The following NAP1L4 variants were observed in gnomAD, a reference collection of about 807,000 sequenced individuals.
NAP1L4 encodes the protein nucleosome assembly protein 1-like 4.
In NAP1L4, 15 loss-of-function variants were observed where a neutral mutation model predicts 58.2. The observed-to-expected ratio is 0.26, with a 90% CI of 0.17 to 0.40. The LOEUF is 0.40. Ranked by LOEUF, NAP1L4 falls within the 10% of genes least tolerant of loss-of-function variation. The probability of loss-of-function intolerance (pLI) is 1.00; values close to 1 mark genes in which losing one functional copy is unlikely to be tolerated. For missense variants in NAP1L4, 384 were observed against 451.1 expected, an observed-to-expected ratio of 0.85 and a Z score of 1.35; for synonymous variants, 171 against 155.6, an observed-to-expected ratio of 1.10 and a Z score of -0.74.
In NAP1L4 at chr11:2,955,847, G is replaced by T; in HGVS notation, c.893-81C>A. The T allele has an allele frequency of 2.3e-6, 3 of 1,291,402 alleles. No individual in the cohort carries two copies. Among genetic ancestry groups the T allele is most frequent in the Non-Finnish European group, 3.3e-6 (3 of 906,400 alleles). 80.0% of individuals were successfully genotyped at this position (1,291,402 alleles called of 1,614,324 possible). ...TAAAGCCCACACAGGAGGAAGCTGT[G>T]CTGGTAGATAAAATGTAACATTTCT... On this transcript the variant is annotated intron_variant, in intron 10 of 15. Coordinates refer to ENST00000380542, the MANE Select transcript of NAP1L4 (RefSeq NM_005969.4). The surrounding 1 kb of genome is among the most constrained non-coding windows in gnomAD (Gnocchi z 4.2).
intron 3 of NAP1L4, 147 bp downstream of exon 3, chr11:2,978,137 A>G (rs1163856248): frequency 1.8e-5 from 12 of 678,612 alleles, no homozygotes; most frequent in Non-Finnish European, 4.9e-6. Context: ...ATCTTTTGTT[A>G]ATGAGATACT....
intron 3 of NAP1L4, among the ~76,000 whole-genome samples, chr11:2,976,995 T>C (rs1848001291): frequency 6.6e-6 from 1 of 151,956 alleles, no homozygotes; most frequent in South Asian, 2.1e-4. Context: ...CCGAGTATTC[T>C]CCCATGATGT....
chr11:2,979,289 T>C, intron 1 of NAP1L4, 52 bp from the exon 2 acceptor site: 7 of 1,470,700 alleles, frequency 4.8e-6, no homozygotes, highest in South Asian at 1.2e-5. Flanking sequence ...AAAATGTTTG[T>C]TCAATATACT....
rs35499396 is a variant in NAP1L4, at chr11:2,981,418, C to CA, written c.-17-2182dup. On this transcript the variant is annotated intron_variant, in intron 1 of 15. Coordinates refer to ENST00000380542, the MANE Select transcript of NAP1L4 (RefSeq NM_005969.4). ...GGACAACAGAGCAAGTACCCTGTCT[C>CA]AAAAAAAAAAAAAAAAAAAAAAAAA... Among the ~76,000 whole-genome samples, 221 of 41,250 alleles carry CA rather than the reference C, an allele frequency of 5.4e-3. 9 individuals are homozygous for CA. The highest frequency in any genetic ancestry group is 6.6e-3 in the East Asian group (4 of 602). 27.1% of individuals were successfully genotyped at this position (41,250 alleles called of 152,430 possible).
In NAP1L4 at chr11:2,955,914, C is replaced by T. The variant is rs1846512767; in HGVS notation, c.893-148G>A. 1 of 692,054 alleles carries T rather than the reference C, an allele frequency of 1.4e-6. No homozygotes were observed. The highest frequency in any genetic ancestry group is 1.8e-5 in the African/African-American group (1 of 55,414). The allele number at this position is 692,054 out of a possible 1,614,324, so 42.9% of individuals were successfully genotyped here. On this transcript the variant is annotated intron_variant, in intron 10 of 15. Coordinates refer to ENST00000380542, the MANE Select transcript of NAP1L4 (RefSeq NM_005969.4). The surrounding 1 kb of genome is among the most constrained non-coding windows in gnomAD (Gnocchi z 4.2). The stretch of plus-strand genomic sequence containing the variant: ...AGAAATCCCCAAAGCCTTGCATCTC[C>T]TCACAGACATCTTTGCAAGCTCCAT...
intron 7 of NAP1L4, among the ~76,000 whole-genome samples, chr11:2,966,504 CA>C (rs1455563644): frequency 1.3e-5 from 2 of 152,144 alleles, no homozygotes; most frequent in African/African-American, 4.8e-5. Context: ...TTGTAGCTCC[CA>C]CATGAGTGTG....
rs1007679641 is a variant in NAP1L4, at chr11:2,971,264, T to C, written c.402+184A>G. 6.6e-6 allele frequency among the ~76,000 whole-genome samples: 1 copy of C among 152,226 alleles called. No homozygotes were observed. The highest frequency in any genetic ancestry group is 6.5e-5 in the Admixed American group (1 of 15,290). On this transcript the variant is annotated intron_variant, in intron 6 of 15. Coordinates refer to ENST00000380542, the MANE Select transcript of NAP1L4 (RefSeq NM_005969.4). The surrounding 1 kb of genome is among the most constrained non-coding windows in gnomAD (Gnocchi z 4.2). Reference sequence around the variant, plus strand: ...GAGGTGGCACTACATCTTACTCCTATTAACTGACAGTACTGTGTCAGATGC... The same window carrying C: ...GAGGTGGCACTACATCTTACTCCTACTAACTGACAGTACTGTGTCAGATGC...
intron 4 of NAP1L4, among the ~76,000 whole-genome samples, chr11:2,975,321 C>A (rs1847888035): frequency 6.6e-6 from 1 of 151,976 alleles, no homozygotes; most frequent in South Asian, 2.1e-4. Context: ...ACTCAAAAAC[C>A]AAAAATTCCT....
chr11:2,960,109 T>C (rs1425654403), intron 8 of NAP1L4, 200 bp from the exon 9 acceptor site: 4 of 568,700 alleles, frequency 7.0e-6, no homozygotes, highest in African/African-American at 1.9e-5. Context: ...GAAATATCTG[T>C]TCAGTTCATG....
intron 12 of NAP1L4, among the ~76,000 whole-genome samples, chr11:2,953,084 G>A (rs974487986): frequency 6.6e-6 from 1 of 152,238 alleles, no homozygotes; most frequent in Admixed American, 6.5e-5. Flanking sequence ...AGGAGGTGGT[G>A]GAGCTACTAA....
At chr11:2,947,781 A>C (rs1846016619) in intron 15 of NAP1L4, among the ~76,000 whole-genome samples, 1 of 152,204 alleles carries the variant, frequency 6.6e-6, no homozygotes, top group Admixed American at 6.5e-5. Context: ...CTCATCTCTC[A>C]TGGGACCATT....
rs925494046 is a variant in NAP1L4, at chr11:2,944,494, T to A, written c.*1185A>T. 1 of 152,290 alleles carries A rather than the reference T, an allele frequency of 6.6e-6. No homozygotes were observed. Among genetic ancestry groups the A allele is most frequent in the African/African-American group, 2.4e-5 (1 of 41,474 alleles). The allele number at this position is 152,290 out of a possible 1,614,324, so 9.4% of individuals were successfully genotyped here. A position where few individuals can be genotyped will look rare whatever the true frequency, so the allele number is the denominator to read the frequency against. ...ACTATTCTGTACAAATTGAAAACACTGTATTCAGTTACAAATGTGTTCTAA... is the reference window on the plus strand; with the variant it reads ...ACTATTCTGTACAAATTGAAAACACAGTATTCAGTTACAAATGTGTTCTAA... On this transcript the variant is annotated 3_prime_UTR_variant, in exon 16 of 16. Transcript: ENST00000380542.
chr11:2,946,218 A>G lies in NAP1L4; in HGVS notation c.*33-572T>C, dbSNP rs1845933967. ...GTGGCCTGTACTGCACCAACAAATG[A>G]TGAGCTGCCACTCCCAAGAGCTCCA... On this transcript the variant is annotated intron_variant, in intron 15 of 15. Transcript: ENST00000380542. The surrounding 1 kb of genome is among the most constrained non-coding windows in gnomAD (Gnocchi z 4.8). 6.6e-6 allele frequency among the ~76,000 whole-genome samples: 1 copy of G among 152,180 alleles called. No homozygotes were observed. The highest frequency in any genetic ancestry group is 2.1e-4 in the South Asian group (1 of 4,814).
At chr11:2,981,208 C>T (rs535489855) in intron 1 of NAP1L4, among the ~76,000 whole-genome samples, 7 of 149,852 alleles carry the variant, frequency 4.7e-5, no homozygotes, top group Admixed American at 2.0e-4. Context: ...ACTGCACTCC[C>T]GCCTGGAAGA....
At chr11:2,978,202 C>G in intron 3 of NAP1L4, 82 bp downstream of exon 3, 1 of 1,357,490 alleles carries the variant, frequency 7.4e-7, no homozygotes, top group African/African-American at 1.5e-5. Context: ...TACAGGAATC[C>G]TTTACTTGCA....
chr11:2,959,682 T>C lies in NAP1L4; in HGVS notation c.746+88A>G. On this transcript the variant is annotated intron_variant, in intron 9 of 15. Coordinates refer to ENST00000380542, the MANE Select transcript of NAP1L4 (RefSeq NM_005969.4). The surrounding 1 kb of genome is among the most constrained non-coding windows in gnomAD (Gnocchi z 4.9). Reference sequence around the variant, plus strand: ...TTTAAGCAGACTCAAGACTGTACTTTATTCCTTACTTCTATCTTACCCATC... The same window carrying C: ...TTTAAGCAGACTCAAGACTGTACTTCATTCCTTACTTCTATCTTACCCATC... The C allele has an allele frequency of 2.0e-6, 3 of 1,492,112 alleles. No individual in the cohort carries two copies. Among genetic ancestry groups the C allele is most frequent in the Non-Finnish European group, 9.2e-7 (1 of 1,086,828 alleles). The allele number at this position is 1,492,112 out of a possible 1,614,324, so 92.4% of individuals were successfully genotyped here. A position where few individuals can be genotyped will look rare whatever the true frequency, so the allele number is the denominator to read the frequency against.
At position 2,949,251 on chromosome 11, in the gene NAP1L4, G is replaced by T; in HGVS notation, c.*8C>A. 1 of 1,600,444 alleles carries T rather than the reference G, an allele frequency of 6.2e-7. No homozygotes were observed. The highest frequency in any genetic ancestry group is 8.6e-7 in the Non-Finnish European group (1 of 1,167,728). ...CCTAGAAACGTATGAATGATTAACA[G>T]ACAAAAATTACACCTAAATGGGGAA... On this transcript the variant is annotated 3_prime_UTR_variant, in exon 15 of 16. Coordinates refer to ENST00000380542, the MANE Select transcript of NAP1L4 (RefSeq NM_005969.4). This position sits in a 1 kb window ranked among gnomAD's most constrained non-coding sequence, Gnocchi z 4.0.
intron 10 of NAP1L4, among the ~76,000 whole-genome samples, chr11:2,957,466 G>C (rs1220269958): frequency 6.6e-6 from 1 of 152,174 alleles, no homozygotes; most frequent in African/African-American, 2.4e-5. Context: ...CACTCAGACT[G>C]GAGAAGAGAT....
chr11:2,981,396 C>T (rs1848296494), intron 1 of NAP1L4, among the ~76,000 whole-genome samples: 2 of 100,702 alleles, frequency 2.0e-5, no homozygotes, highest in South Asian at 7.2e-4. Context: ...CCAGCCTGGA[C>T]AACAGAGCAA....
Sources: allele counts gnomAD v4.1 joint callset (sites outside exome capture counted in the v4.1 genomes callset), GRCh38; gene constraint gnomAD v4.1.1; non-coding constraint Gnocchi (gnomAD v3.1); transcripts MANE v1.5; gene names NCBI Gene and HGNC (gene_info 2026-07-23, HGNC 2026-07-21).